The following DYRK1A variants were observed in gnomAD, a reference collection of about 807,000 sequenced individuals.
DYRK1A encodes the protein dual specificity tyrosine-phosphorylation-regulated kinase 1A.
DYRK1A carries 9 observed loss-of-function variants against 79.7 expected under a neutral mutation model. That is an observed-to-expected ratio of 0.11 (90% confidence interval 0.07 to 0.20). The LOEUF (loss-of-function observed/expected upper bound fraction) is 0.20, where lower values mean the gene tolerates loss of function less well. Among genes scored for constraint, DYRK1A ranks in the 10% least tolerant of loss-of-function variants. The probability of loss-of-function intolerance (pLI) is 1.00; values close to 1 mark genes in which losing one functional copy is unlikely to be tolerated. For missense variants in DYRK1A, 622 were observed against 956.0 expected (o/e 0.65, Z 4.61); for synonymous variants, 349 against 329.7 (o/e 1.06, Z -0.63).
chr21:37,403,082 A>G (rs1241475187), intron 1 of DYRK1A, among the ~76,000 whole-genome samples: 3 of 152,030 alleles, frequency 2.0e-5, no homozygotes, highest in East Asian at 1.9e-4. Flanking sequence ...GATAGTTTCT[A>G]TTGATCTGTC....
intron 1 of DYRK1A, among the ~76,000 whole-genome samples, chr21:37,377,844 A>G (rs1348895461): frequency 1.3e-5 from 2 of 151,992 alleles, no homozygotes; most frequent in Non-Finnish European, 2.9e-5. Context: ...TTAAGTTCAT[A>G]TTTTTGCTCT....
chr21:37,368,212 G>A (rs1038039824), intron 1 of DYRK1A: 1 of 152,202 alleles, frequency 6.6e-6, no homozygotes, highest in African/African-American at 2.4e-5. Context: ...GTTGGGCGGG[G>A]AGCGCGAGTG....
chr21:37,448,903 G>T (rs890895797), intron 2 of DYRK1A, among the ~76,000 whole-genome samples: 2 of 152,084 alleles, frequency 1.3e-5, no homozygotes, highest in African/African-American at 4.8e-5. Flanking sequence ...TCGCTATGTT[G>T]TCCAGGCTGG....
chr21:37,489,129 A>G (rs1489675497), intron 6 of DYRK1A, among the ~76,000 whole-genome samples: 1 of 152,148 alleles, frequency 6.6e-6, no homozygotes, highest in Non-Finnish European at 1.5e-5. Flanking sequence ...GGAAAACACA[A>G]TGTATCCACA....
At chr21:37,473,736 T>C (rs922534961) in intron 3 of DYRK1A, among the ~76,000 whole-genome samples, 2 of 152,206 alleles carry the variant, frequency 1.3e-5, no homozygotes, top group Non-Finnish European at 2.9e-5. Flanking sequence ...GTGTTTGTAA[T>C]AAAATTTTGC....
intron 3 of DYRK1A, 150 bp from the exon 4 acceptor site, chr21:37,478,056 ACT>A: frequency 1.0e-6 from 1 of 999,744 alleles, no homozygotes; most frequent in Non-Finnish European, 1.4e-6. Context: ...ATGAAAGGGA[ACT>A]TTGAGAGAGA....
intron 9 of DYRK1A, among the ~76,000 whole-genome samples, chr21:37,500,042 G>A (rs2053394213): frequency 6.6e-6 from 1 of 152,110 alleles, no homozygotes; most frequent in African/African-American, 2.4e-5. Flanking sequence ...TATTTGGGGG[G>A]GTCCTGGAAC....
rs559484713 is a variant in DYRK1A, at chr21:37,468,762, T to C, written c.11-3922T>C. Among the ~76,000 whole-genome samples, 5 of 152,192 alleles carry C rather than the reference T, an allele frequency of 3.3e-5. No homozygotes were observed. The East Asian group carries it at 9.6e-4, about 29-fold the overall frequency. The stretch of plus-strand genomic sequence containing the variant: ...GAGAGAAAGCCCAGTGTTTAGAAGG[T>C]AATAGATTTTTTTCATGACTTTGAT... On this transcript the variant is annotated intron_variant, in intron 2 of 11. Transcript: ENST00000647188.
At chr21:37,443,813 C>T (rs1421680458) in intron 2 of DYRK1A, among the ~76,000 whole-genome samples, 1 of 152,194 alleles carries the variant, frequency 6.6e-6, no homozygotes, top group East Asian at 1.9e-4. Flanking sequence ...GTGTCTGTCT[C>T]TGTCTAAATT....
At position 37,505,405 on chromosome 21, in the gene DYRK1A, C is replaced by T. The variant is rs1407138979; in HGVS notation, c.1335C>T (p.Asp445=). 2 of 1,614,150 alleles carry T rather than the reference C, an allele frequency of 1.2e-6. No homozygotes were observed. Among genetic ancestry groups the T allele is most frequent in the Middle Eastern group, 1.6e-4 (1 of 6,062 alleles). Residue 445 remains aspartate, a synonymous_variant, in exon 10 of 12, where the codon GAC becomes GAT. Coordinates refer to ENST00000647188, the MANE Select transcript of DYRK1A (RefSeq NM_001347721.2). The part of the protein sequence containing the change: ...HTVADYLKFK[D]LILRMLDYDP... ...TCGCTGACTACTTGAAGTTCAAAGA[C>T]CTCATTTTAAGGATGCTTGATTATG...
rs186242026 is a variant in DYRK1A at position 37,454,213 on chromosome 21, C to T, written c.11-18471C>T. 4.2e-4 allele frequency among the ~76,000 whole-genome samples: 64 copies of T among 150,988 alleles called. No homozygotes were observed. The Admixed American group carries it at 4.2e-3, about 10-fold the overall frequency. On this transcript the variant is annotated intron_variant, in intron 2 of 11. Transcript: ENST00000647188. ...GCTCAAACGATTCTCCTACCTCAGCCTGCCAAATAGCTGGGACTATAGGCG... is the reference window on the plus strand; with the variant it reads ...GCTCAAACGATTCTCCTACCTCAGCTTGCCAAATAGCTGGGACTATAGGCG...
rs898483296 is a variant in DYRK1A, at chr21:37,517,107, C to T, written c.*4576C>T. The T allele has an allele frequency of 6.6e-6, 1 of 152,192 alleles. No homozygotes were observed. Among genetic ancestry groups the T allele is most frequent in the South Asian group, 2.1e-4 (1 of 4,822 alleles). The allele number at this position is 152,192 out of a possible 1,614,324, so 9.4% of individuals were successfully genotyped here. Reference sequence around the variant, plus strand: ...GAGGAGGCAGAGACAAGTCTTAAACCGGCTTCCCTTCGCTTTTACCAGGTA... The same window carrying T: ...GAGGAGGCAGAGACAAGTCTTAAACTGGCTTCCCTTCGCTTTTACCAGGTA... On this transcript the variant is annotated 3_prime_UTR_variant, in exon 12 of 12. Coordinates refer to ENST00000647188, the MANE Select transcript of DYRK1A (RefSeq NM_001347721.2).
chr21:37,444,922 G>A (rs1044880102), intron 2 of DYRK1A, among the ~76,000 whole-genome samples: 21 of 152,118 alleles, frequency 1.4e-4, no homozygotes, highest in Non-Finnish European at 2.9e-4. Context: ...GTGCTACACC[G>A]AACATATTTG....
chr21:37,484,530 C>T (rs1483331024), intron 5 of DYRK1A, among the ~76,000 whole-genome samples: 1 of 151,892 alleles, frequency 6.6e-6, no homozygotes, highest in East Asian at 1.9e-4. Context: ...GATTTCACCA[C>T]GTTGGTCAGG....
At chr21:37,429,847 A>G (rs915394278) in intron 2 of DYRK1A, among the ~76,000 whole-genome samples, 1 of 152,156 alleles carries the variant, frequency 6.6e-6, no homozygotes. Context: ...CCTCGTTTCC[A>G]CTTACAGGGG....
intron 1 of DYRK1A, among the ~76,000 whole-genome samples, chr21:37,373,485 A>G (rs1031407253): frequency 6.6e-6 from 1 of 152,220 alleles, no homozygotes; most frequent in Admixed American, 6.5e-5. Flanking sequence ...GGCTTAAACG[A>G]GAAATTTATT....
At chr21:37,401,122 C>T (rs913504085) in intron 1 of DYRK1A, among the ~76,000 whole-genome samples, 36 of 151,654 alleles carry the variant, frequency 2.4e-4, no homozygotes, top group Admixed American at 3.9e-4. Context: ...CCAGCTTGGG[C>T]GACAGAACGA....
chr21:37,403,012 C>G (rs769713889), intron 1 of DYRK1A, among the ~76,000 whole-genome samples: 5 of 151,952 alleles, frequency 3.3e-5, no homozygotes, highest in Non-Finnish European at 7.4e-5. Context: ...GATCTGCCCC[C>G]CCTCAGCCTC....
At chr21:37,429,466 G>A (rs566366648) in intron 2 of DYRK1A, among the ~76,000 whole-genome samples, 264 of 152,306 alleles carry the variant, frequency 1.7e-3, no homozygotes, top group Middle Eastern at 6.8e-3. Flanking sequence ...TAGAGTCATG[G>A]TAGAGAGTGA....
Sources: allele counts gnomAD v4.1 joint callset (sites outside exome capture counted in the v4.1 genomes callset), GRCh38; gene constraint gnomAD v4.1.1; transcripts MANE v1.5; gene names NCBI Gene and HGNC (gene_info 2026-07-23, HGNC 2026-07-21).